EML6: variants seen among roughly 807,000 people sequenced by gnomAD.
The protein encoded by EML6 is echinoderm microtubule-associated protein-like 6.
Under a neutral mutation model 240.1 loss-of-function variants are expected in EML6, and 154 were observed. The observed-to-expected ratio is 0.64, with a 90% CI of 0.56 to 0.73. The LOEUF (loss-of-function observed/expected upper bound fraction) is 0.73. EML6 is among the 30% of genes least tolerant of loss of function. EML6 has a pLI of 0.00. For synonymous variants in EML6, 1,148 were observed against 899.0 expected (o/e 1.28, Z -4.95); for missense variants, 2,964 against 2,474.6 (o/e 1.20, Z -4.20).
chr2:54,802,504 A>G (rs551176902), intron 2 of EML6, among the ~76,000 whole-genome samples: 6 of 151,980 alleles, frequency 3.9e-5, no homozygotes, highest in South Asian at 4.2e-4. Flanking sequence ...GCATGTGCCT[A>G]TGGTCCCAGC....
intron 5 of EML6, among the ~76,000 whole-genome samples, chr2:54,821,415 A>G (rs1008033476): frequency 6.6e-6 from 1 of 152,178 alleles, no homozygotes; most frequent in African/African-American, 2.4e-5. Flanking sequence ...ATGGAGTGAC[A>G]ATGTTGATTC....
intron 2 of EML6, among the ~76,000 whole-genome samples, chr2:54,745,602 C>T (rs1011904132): frequency 2.0e-5 from 3 of 152,130 alleles, no homozygotes; most frequent in Non-Finnish European, 2.9e-5. Flanking sequence ...CATGGCAAGA[C>T]TCCGCCTCTA....
At chr2:54,824,018 A>G (rs34049612) in intron 5 of EML6, among the ~76,000 whole-genome samples, 40,755 of 151,882 alleles carry the variant, frequency 0.27, 5,818 homozygotes, top group Middle Eastern at 0.37. Flanking sequence ...AAATGATGGC[A>G]CAGGTGAGAT....
At chr2:54,802,358 A>C (rs1417740729) in intron 2 of EML6, among the ~76,000 whole-genome samples, 1 of 152,006 alleles carries the variant, frequency 6.6e-6, no homozygotes, top group Non-Finnish European at 1.5e-5. Context: ...GGGTGCAGTG[A>C]CTCACGCCTC....
intron 11 of EML6, 102 bp from the exon 12 acceptor site, chr2:54,859,432 A>T (rs968114326): frequency 1.2e-6 from 1 of 866,818 alleles, no homozygotes; most frequent in African/African-American, 1.7e-5. Context: ...TTTCAGATAT[A>T]TTTAAAGATT....
intron 10 of EML6, 64 bp from the exon 11 acceptor site, chr2:54,853,579 T>C: frequency 9.5e-7 from 1 of 1,049,130 alleles, no homozygotes; most frequent in South Asian, 2.2e-5. Flanking sequence ...TTTCAGATCT[T>C]TATAAAAAAT....
At position 54,774,055 on chromosome 2, in the gene EML6, C is replaced by T. The variant is rs1668502091; in HGVS notation, c.198-39177C>T. 6.6e-6 allele frequency among the ~76,000 whole-genome samples: 1 copy of T among 152,208 alleles called. No individual in the cohort carries two copies. Among genetic ancestry groups the T allele is most frequent in the Admixed American group, 6.5e-5 (1 of 15,286 alleles). Reference sequence around the variant, plus strand: ...GGAGAAAGAGGGGCACTGCTAAGAACACTTCCTGGAAGTTGCACACATGAC... The same window carrying T: ...GGAGAAAGAGGGGCACTGCTAAGAATACTTCCTGGAAGTTGCACACATGAC... On this transcript the variant is annotated intron_variant, in intron 2 of 41. Coordinates refer to ENST00000356458, the MANE Select transcript of EML6 (RefSeq NM_001039753.4). This position sits in a 1 kb window ranked among gnomAD's most constrained non-coding sequence, Gnocchi z 4.1.
intron 26 of EML6, among the ~76,000 whole-genome samples, chr2:54,923,344 G>T (rs996747374): frequency 4.3e-4 from 62 of 144,820 alleles, no homozygotes; most frequent in African/African-American, 1.2e-3. Context: ...TAACAGAGTA[G>T]ATCCTAAGTG....
At chr2:54,885,202 T>C (rs768467483) in intron 17 of EML6, among the ~76,000 whole-genome samples, 12 of 152,008 alleles carry the variant, frequency 7.9e-5, no homozygotes, top group Non-Finnish European at 5.9e-5. Flanking sequence ...CCCAGCACTT[T>C]GGGAGGTTGA....
intron 21 of EML6, among the ~76,000 whole-genome samples, chr2:54,895,848 C>A (rs1672734229): frequency 1.3e-5 from 2 of 152,150 alleles, no homozygotes; most frequent in South Asian, 4.1e-4. Context: ...TTCCTTGCCA[C>A]ATAGGGTTTC....
intron 17 of EML6, chr2:54,882,496 T>A (rs1313459212): frequency 6.6e-6 from 1 of 152,030 alleles, no homozygotes; most frequent in African/African-American, 2.4e-5. Flanking sequence ...ATAGGAGGGA[T>A]CTTGGACAAA....
At position 54,759,001 on chromosome 2, in the gene EML6, GA is replaced by G. The variant is rs571262907; in HGVS notation, c.197+33747del. On this transcript the variant is annotated intron_variant, in intron 2 of 41. Transcript: ENST00000356458. ...ATAGTACATAATGGATCACACACTTGAAAACAAAAAATAGGGATGGAGTGCT... is the reference window on the plus strand; with the variant it reads ...ATAGTACATAATGGATCACACACTTGAAACAAAAAATAGGGATGGAGTGCT... Among the ~76,000 whole-genome samples, 26 of 151,858 alleles carry G rather than the reference GA, an allele frequency of 1.7e-4. No individual in the cohort carries two copies. In the East Asian group the frequency reaches 4.8e-3, roughly 28 times the overall value.
At chr2:54,949,411 G>A (rs1354211974) in intron 29 of EML6, among the ~76,000 whole-genome samples, 4 of 152,302 alleles carry the variant, frequency 2.6e-5, no homozygotes, top group South Asian at 2.1e-4. Flanking sequence ...CAGGAGGGAC[G>A]CACCATTACT....
At chr2:54,826,229 G>A (rs1668585577) in intron 5 of EML6, among the ~76,000 whole-genome samples, 2 of 152,136 alleles carry the variant, frequency 1.3e-5, no homozygotes, top group African/African-American at 4.8e-5. Flanking sequence ...GTCTACCTTA[G>A]CCTATTAAAG....
At chr2:54,896,620 A>G (rs1246023601) in intron 21 of EML6, among the ~76,000 whole-genome samples, 1 of 152,146 alleles carries the variant, frequency 6.6e-6, no homozygotes, top group African/African-American at 2.4e-5. Context: ...AGAGAAAAGA[A>G]AATGCACTGA....
In EML6 at chr2:54,888,164, G is replaced by T. The variant is rs181735318; in HGVS notation, c.2439-2890G>T. Reference sequence around the variant, plus strand: ...AAATATCTCTCTCGAGCTGGGGGCTGGGGCAGGATTCATAGCAGAGGGTAA... The same window carrying T: ...AAATATCTCTCTCGAGCTGGGGGCTTGGGCAGGATTCATAGCAGAGGGTAA... On this transcript the variant is annotated intron_variant, in intron 17 of 41. Coordinates refer to ENST00000356458, the MANE Select transcript of EML6 (RefSeq NM_001039753.4). 4.8e-3 allele frequency among the ~76,000 whole-genome samples: 726 copies of T among 152,322 alleles called. 5 individuals are homozygous for T. Among genetic ancestry groups the T allele is most frequent in the African/African-American group, 0.017 (707 of 41,570 alleles).
intron 24 of EML6, 73 bp downstream of exon 24, chr2:54,903,575 G>A (rs2104226348): frequency 1.6e-6 from 2 of 1,244,430 alleles, no homozygotes; most frequent in South Asian, 1.5e-5. Context: ...TGTTTCTAGA[G>A]AGAATGGCAG....
At chr2:54,801,412 C>A (rs1049150994) in intron 2 of EML6, among the ~76,000 whole-genome samples, 4 of 152,062 alleles carry the variant, frequency 2.6e-5, no homozygotes, top group African/African-American at 9.7e-5. Flanking sequence ...GCTGGGTCAG[C>A]CTTGGCCTGA....
intron 2 of EML6, among the ~76,000 whole-genome samples, chr2:54,736,635 C>T (rs1462221078): frequency 6.6e-6 from 1 of 152,222 alleles, no homozygotes; most frequent in East Asian, 1.9e-4. Context: ...ACTTCAGTGA[C>T]CTCCATTGCT....
Sources: gnomAD v4.1 joint callset for allele counts (sites outside exome capture counted in the v4.1 genomes callset) on GRCh38, gnomAD v4.1.1 for gene constraint, Gnocchi (gnomAD v3.1) non-coding constraint, MANE v1.5 for transcripts, NCBI Gene and HGNC (gene_info 2026-07-23, HGNC 2026-07-21) for gene names.